The following FLT1 variants were observed in gnomAD, a reference collection of about 807,000 sequenced individuals.
FLT1 encodes fms related receptor tyrosine kinase 1.
Under a neutral mutation model 156.3 loss-of-function variants are expected in FLT1, and 49 were observed. The observed-to-expected ratio is 0.31, with a 90% CI of 0.25 to 0.40. FLT1 has a LOEUF of 0.40. Among genes scored for constraint, FLT1 ranks in the 10% least tolerant of loss-of-function variants. The pLI, the probability that FLT1 is intolerant of heterozygous loss-of-function variation, is 1.00. For synonymous variants in FLT1, 594 were observed against 583.8 expected, an observed-to-expected ratio of 1.02 and a Z score of -0.25; for missense variants, 1,322 against 1,637.2, an observed-to-expected ratio of 0.81 and a Z score of 3.32.
chr13:28,336,115 G>A lies in FLT1; in HGVS notation c.2489-1986C>T, dbSNP rs144640702. Among the ~76,000 whole-genome samples, 1,410 of 152,238 alleles carry A rather than the reference G, an allele frequency of 9.3e-3. 29 individuals are homozygous for A. The highest frequency in any genetic ancestry group is 0.032 in the African/African-American group (1,326 of 41,528). ...AGACCCTTGCATGTTTGGGGCAGGT[G>A]GCATCCTTTGCACTTTCCATAGTTT... On this transcript the variant is annotated intron_variant, in intron 17 of 29. Coordinates refer to ENST00000282397, the MANE Select transcript of FLT1 (RefSeq NM_002019.4).
At chr13:28,469,951 G>C (rs543574206) in intron 1 of FLT1, among the ~76,000 whole-genome samples, 4 of 151,820 alleles carry the variant, frequency 2.6e-5, no homozygotes, top group African/African-American at 4.8e-5. Context: ...ATGGGGTTTC[G>C]TCATGTTTGC....
In FLT1 at chr13:28,466,841, G is replaced by A. The variant is rs767468244; in HGVS notation, c.388+62C>T. The A allele has an allele frequency of 4.4e-6, 5 of 1,143,076 alleles. No homozygotes were observed. In the South Asian group the frequency reaches 5.0e-5, roughly 11 times the overall value. The allele number at this position is 1,143,076 out of a possible 1,614,324, so 70.8% of individuals were successfully genotyped here. ...GAAAGCAACCTTTCCAATGGATCAGGGTAGATTTATGACTCATTTGCAAAG... is the reference window on the plus strand; with the variant it reads ...GAAAGCAACCTTTCCAATGGATCAGAGTAGATTTATGACTCATTTGCAAAG... On this transcript the variant is annotated intron_variant, in intron 3 of 29. Transcript: ENST00000282397.
At chr13:28,443,291 G>C (rs571404180) in intron 3 of FLT1, among the ~76,000 whole-genome samples, 1 of 152,182 alleles carries the variant, frequency 6.6e-6, no homozygotes, top group South Asian at 2.1e-4. Flanking sequence ...AGAATGGAAC[G>C]ATGTCTATTT....
chr13:28,409,875 G>C (rs1273178119), intron 10 of FLT1, among the ~76,000 whole-genome samples: 1 of 144,866 alleles, frequency 6.9e-6, no homozygotes, highest in East Asian at 2.0e-4. Flanking sequence ...TTTTTTTTTA[G>C]CTACTTTTGC....
At chr13:28,420,213 G>A (rs557305662) in intron 10 of FLT1, among the ~76,000 whole-genome samples, 7 of 152,330 alleles carry the variant, frequency 4.6e-5, no homozygotes, top group Admixed American at 3.9e-4. Context: ...AATGCAAGAA[G>A]TTTCTCATTA....
At chr13:28,378,135 G>A (rs542389827) in intron 14 of FLT1, among the ~76,000 whole-genome samples, 5 of 147,000 alleles carry the variant, frequency 3.4e-5, no homozygotes, top group Non-Finnish European at 4.4e-5. Context: ...TGCAACCTTC[G>A]CCTCCCGGGT....
intron 10 of FLT1, 100 bp downstream of exon 10, chr13:28,427,059 T>G: frequency 9.0e-7 from 1 of 1,115,800 alleles, no homozygotes; most frequent in Middle Eastern, 2.4e-4. Flanking sequence ...AAATATACAG[T>G]ACATCCCACA....
chr13:28,329,904 C>G (rs542081036), intron 18 of FLT1, among the ~76,000 whole-genome samples, 176 bp from the exon 19 acceptor site: 3 of 152,232 alleles, frequency 2.0e-5, no homozygotes, highest in Non-Finnish European at 4.4e-5. Context: ...CCCTCCTGAG[C>G]CAACATCCTT....
intron 1 of FLT1, among the ~76,000 whole-genome samples, chr13:28,483,445 C>T (rs1490346617): frequency 6.6e-6 from 1 of 152,116 alleles, no homozygotes; most frequent in African/African-American, 2.4e-5. Flanking sequence ...CCATCTAAAG[C>T]ATGTATCCAT....
intron 14 of FLT1, among the ~76,000 whole-genome samples, chr13:28,362,227 T>C (rs1003914642): frequency 2.0e-5 from 3 of 152,242 alleles, no homozygotes; most frequent in Non-Finnish European, 4.4e-5. Context: ...CCCATAACCT[T>C]GGCTAAGTCA....
chr13:28,385,766 C>A, intron 13 of FLT1: 1 of 1,010,744 alleles, frequency 9.9e-7, no homozygotes, highest in Non-Finnish European at 1.2e-6. Flanking sequence ...TATAGTACAA[C>A]AAAATGAATT....
chr13:28,385,565 G>C, intron 13 of FLT1: 2 of 1,013,710 alleles, frequency 2.0e-6, no homozygotes, highest in Non-Finnish European at 2.4e-6. Flanking sequence ...AACTTTGAAA[G>C]CTTTATTGGT....
rs1419587768 is a variant in FLT1, at chr13:28,322,109, C to T, written c.3051+153G>A. Among the ~76,000 whole-genome samples the T allele has an allele frequency of 6.6e-6, 1 of 152,206 alleles. No individual in the cohort carries two copies. The highest frequency in any genetic ancestry group is 1.5e-5 in the Non-Finnish European group (1 of 68,036). On this transcript the variant is annotated intron_variant, in intron 22 of 29. Coordinates refer to ENST00000282397, the MANE Select transcript of FLT1 (RefSeq NM_002019.4). This position sits in a 1 kb window ranked among gnomAD's most constrained non-coding sequence, Gnocchi z 4.3. The stretch of plus-strand genomic sequence containing the variant: ...TATCCATGACTCCTCATTCTCAAAA[C>T]TCCTCATATCAAGGCAAATTAAGGC...
intron 26 of FLT1, 39 bp from the exon 27 acceptor site, chr13:28,311,771 T>G (rs1232607259): frequency 6.2e-7 from 1 of 1,608,868 alleles, no homozygotes; most frequent in Non-Finnish European, 8.5e-7. Flanking sequence ...GCACCAATTC[T>G]GACTTCAACA....
intron 1 of FLT1, among the ~76,000 whole-genome samples, chr13:28,493,674 C>T (rs1208208597): frequency 3.3e-5 from 5 of 152,216 alleles, no homozygotes; most frequent in Non-Finnish European, 7.3e-5. Flanking sequence ...TGGCTCTCTG[C>T]GCCCAGGGGA....
chr13:28,469,934 A>G (rs1364050395), intron 1 of FLT1, among the ~76,000 whole-genome samples: 2 of 151,950 alleles, frequency 1.3e-5, no homozygotes, highest in Non-Finnish European at 2.9e-5. Flanking sequence ...TTGTATTTTT[A>G]GTAGAGATGG....
chr13:28,368,480 C>A, intron 14 of FLT1: 7 of 1,512,634 alleles, frequency 4.6e-6, no homozygotes, highest in Non-Finnish European at 6.2e-6. Flanking sequence ...TGTCTTGGCT[C>A]TCCAACTAAA....
chr13:28,311,978 TA>T lies in FLT1; in HGVS notation c.3492+14del. The T allele has an allele frequency of 6.4e-7, 1 of 1,559,282 alleles. No homozygotes were observed. ...ACATTCAAAGGCATTTTGATGTAAA[TA>T]AATTTAGTTTTACCTGTTGTACATT... On this transcript the variant is annotated intron_variant, in intron 26 of 29. Coordinates refer to ENST00000282397, the MANE Select transcript of FLT1 (RefSeq NM_002019.4).
At chr13:28,375,257 C>G (rs933523152) in intron 14 of FLT1, among the ~76,000 whole-genome samples, 1 of 152,228 alleles carries the variant, frequency 6.6e-6, no homozygotes, top group Non-Finnish European at 1.5e-5. Context: ...GAACTTTACT[C>G]ATGGATTACT....
Sources: allele counts gnomAD v4.1 joint callset (sites outside exome capture counted in the v4.1 genomes callset), GRCh38; gene constraint gnomAD v4.1.1; non-coding constraint Gnocchi (gnomAD v3.1); transcripts MANE v1.5; gene names NCBI Gene and HGNC (gene_info 2026-07-23, HGNC 2026-07-21).